Variants in PPP2R2A observed in about 807,000 individuals in gnomAD.
PPP2R2A encodes protein phosphatase 2 regulatory subunit Balpha.
PPP2R2A carries 9 observed loss-of-function variants against 53.2 expected under a neutral mutation model. That is an observed-to-expected ratio of 0.17 (90% CI 0.10 to 0.30). PPP2R2A has a LOEUF of 0.30. Ranked by LOEUF, PPP2R2A falls within the 10% of genes least tolerant of loss-of-function variation. The pLI, the probability that PPP2R2A is intolerant of heterozygous loss-of-function variation, is 1.00. For synonymous variants in PPP2R2A, 169 were observed against 174.2 expected (o/e 0.97, Z 0.23); for missense variants, 235 against 534.6 (o/e 0.44, Z 5.53).
At chr8:26,356,876 C>G (rs1804808378) in intron 4 of PPP2R2A, among the ~76,000 whole-genome samples, 1 of 152,186 alleles carries the variant, frequency 6.6e-6, no homozygotes. Flanking sequence ...TCGGATCCTT[C>G]CCCTTCCCCT....
At chr8:26,340,646 A>T (rs894608782) in intron 3 of PPP2R2A, among the ~76,000 whole-genome samples, 1 of 152,126 alleles carries the variant, frequency 6.6e-6, no homozygotes, top group Non-Finnish European at 1.5e-5. Context: ...ATTTTGCCTG[A>T]GAATGAAGTC....
In PPP2R2A at chr8:26,360,838, T is replaced by A; in HGVS notation, c.460-136T>A. 1.3e-6 allele frequency: 1 copy of A among 797,640 alleles called. No homozygotes were observed. The highest frequency in any genetic ancestry group is 3.8e-4 in the Middle Eastern group (1 of 2,658). The allele number at this position is 797,640 out of a possible 1,614,324, so 49.4% of individuals were successfully genotyped here. A position where few individuals can be genotyped will look rare whatever the true frequency, so the allele number is the denominator to read the frequency against. ...ACTCGAAAGGATCAACATCAGTTGC[T>A]TTTTAAAACTAAATCTATGTAATAT... On this transcript the variant is annotated intron_variant, in intron 5 of 9. Transcript: ENST00000380737. This position sits in a 1 kb window ranked among gnomAD's most constrained non-coding sequence, Gnocchi z 4.5.
intron 2 of PPP2R2A, among the ~76,000 whole-genome samples, chr8:26,315,726 A>G (rs1802520288): frequency 6.6e-6 from 1 of 151,688 alleles, no homozygotes. Flanking sequence ...TGAGTTTTCT[A>G]TTTTTCAGCA....
chr8:26,359,763 C>G (rs1804984097), intron 4 of PPP2R2A, among the ~76,000 whole-genome samples: 1 of 152,200 alleles, frequency 6.6e-6, no homozygotes, highest in South Asian at 2.1e-4. Context: ...ACATAATAGG[C>G]AGTCTTAATC....
intron 2 of PPP2R2A, among the ~76,000 whole-genome samples, chr8:26,311,087 A>G (rs1482292232): frequency 6.6e-6 from 1 of 152,180 alleles, no homozygotes; most frequent in Non-Finnish European, 1.5e-5. Context: ...CCAGAGAGTA[A>G]GGAAACAAAC....
Position 26,338,652 on chromosome 8 carries a change from T to C in PPP2R2A, c.83-238T>C, listed in dbSNP as rs1430012678. On this transcript the variant is annotated intron_variant, in intron 2 of 9. Transcript: ENST00000380737. This position sits in a 1 kb window ranked among gnomAD's most constrained non-coding sequence, Gnocchi z 4.5. The stretch of plus-strand genomic sequence containing the variant: ...TAGTGAAATGTTAATAAATTAGTAT[T>C]TGTTGTATTCTCTGTTAAAATAGTT... Among the ~76,000 whole-genome samples the C allele has an allele frequency of 6.6e-6, 1 of 152,238 alleles. No homozygotes were observed.
intron 3 of PPP2R2A, among the ~76,000 whole-genome samples, chr8:26,341,730 T>C (rs1029423974): frequency 2.0e-5 from 3 of 152,232 alleles, no homozygotes; most frequent in African/African-American, 7.2e-5. Context: ...TGTGGCTTTA[T>C]TCTCTTACCT....
chr8:26,304,054 C>A (rs964279761), intron 2 of PPP2R2A, among the ~76,000 whole-genome samples: 36 of 152,212 alleles, frequency 2.4e-4, no homozygotes, highest in African/African-American at 7.5e-4. Context: ...TTAAGAACTT[C>A]TGCTCTAATC....
intron 1 of PPP2R2A, chr8:26,293,281 A>T: frequency 6.5e-7 from 1 of 1,533,634 alleles, no homozygotes; most frequent in South Asian, 1.2e-5. Flanking sequence ...TCTATGTTTC[A>T]TGGTAGTTTA....
chr8:26,301,320 T>C (rs977824137), intron 2 of PPP2R2A, among the ~76,000 whole-genome samples: 2 of 151,774 alleles, frequency 1.3e-5, no homozygotes, highest in African/African-American at 4.8e-5. Context: ...TCTTTTTTTT[T>C]TCCTTTTTCT....
intron 2 of PPP2R2A, among the ~76,000 whole-genome samples, chr8:26,312,586 C>T (rs1802339706): frequency 6.6e-6 from 1 of 152,192 alleles, no homozygotes; most frequent in African/African-American, 2.4e-5. Context: ...TAAAATACCT[C>T]TTTGGGAGTT....
chr8:26,335,391 C>G (rs1803601579), intron 2 of PPP2R2A, among the ~76,000 whole-genome samples: 2 of 152,130 alleles, frequency 1.3e-5, no homozygotes. Context: ...GAGGAAGGAA[C>G]ACCATGACGT....
At chr8:26,333,011 T>C (rs926439080) in intron 2 of PPP2R2A, among the ~76,000 whole-genome samples, 7 of 152,262 alleles carry the variant, frequency 4.6e-5, no homozygotes, top group Non-Finnish European at 1.0e-4. Flanking sequence ...GAAAATGATA[T>C]GCATATTACA....
At chr8:26,295,461 C>G (rs548302626) in intron 2 of PPP2R2A, among the ~76,000 whole-genome samples, 1 of 152,274 alleles carries the variant, frequency 6.6e-6, no homozygotes, top group Admixed American at 6.5e-5. Context: ...CAACTTATAA[C>G]AAAACCATTT....
At chr8:26,293,305 T>C in intron 1 of PPP2R2A, 1 of 1,513,576 alleles carries the variant, frequency 6.6e-7, no homozygotes, top group Non-Finnish European at 8.9e-7. Context: ...TTATTAACTC[T>C]TCTGCAGGCT....
Position 26,362,429 on chromosome 8 carries a change from T to C in PPP2R2A, c.638-255T>C, listed in dbSNP as rs1805155015. On this transcript the variant is annotated intron_variant, in intron 6 of 9. Transcript: ENST00000380737. This position sits in a 1 kb window ranked among gnomAD's most constrained non-coding sequence, Gnocchi z 4.4. ...CTGATGCAGTAGAATCGCTTGAACC[T>C]GGGAGTCGGAGGCTGCAGTGAGCCG... 6.6e-6 allele frequency among the ~76,000 whole-genome samples: 1 copy of C among 151,840 alleles called. No individual in the cohort carries two copies. Among genetic ancestry groups the C allele is most frequent in the Non-Finnish European group, 1.5e-5 (1 of 67,958 alleles).
intron 2 of PPP2R2A, among the ~76,000 whole-genome samples, chr8:26,317,280 C>A (rs1802609374): frequency 1.3e-5 from 2 of 152,162 alleles, no homozygotes; most frequent in Admixed American, 1.3e-4. Flanking sequence ...TCCATTCCAA[C>A]CCCAAAAGAG....
chr8:26,299,718 C>CT (rs772629459), intron 2 of PPP2R2A, among the ~76,000 whole-genome samples: 8,364 of 143,124 alleles, frequency 0.058, 393 homozygotes, highest in African/African-American at 0.14. Flanking sequence ...TTCTGCATCT[C>CT]TTTTTTTTTT....
In PPP2R2A at chr8:26,338,829, G is replaced by A. The variant is rs1803797105; in HGVS notation, c.83-61G>A. On this transcript the variant is annotated intron_variant, in intron 2 of 9. Coordinates refer to ENST00000380737, the MANE Select transcript of PPP2R2A (RefSeq NM_002717.4). The surrounding 1 kb of genome is among the most constrained non-coding windows in gnomAD (Gnocchi z 4.5). ...TGTTTGGGAAAACACGCTAAGTTCT[G>A]AAACTAGTGAGTCGGGAAAGAAAAA... The A allele has an allele frequency of 1.7e-6, 2 of 1,211,846 alleles. No individual in the cohort carries two copies. The highest frequency in any genetic ancestry group is 2.4e-6 in the Non-Finnish European group (2 of 841,256). The allele number at this position is 1,211,846 out of a possible 1,614,324, so 75.1% of individuals were successfully genotyped here.
Sources: allele counts gnomAD v4.1 joint callset (sites outside exome capture counted in the v4.1 genomes callset), GRCh38; gene constraint gnomAD v4.1.1; non-coding constraint Gnocchi (gnomAD v3.1); transcripts MANE v1.5; gene names NCBI Gene and HGNC (gene_info 2026-07-23, HGNC 2026-07-21).